PDE11A: variants seen among roughly 807,000 people sequenced by gnomAD.
PDE11A encodes the protein phosphodiesterase 11A, also known as dual 3',5'-cyclic-AMP and -GMP phosphodiesterase 11A.
A neutral mutation model predicts 100.5 loss-of-function variants in PDE11A; 100 were observed. The observed-to-expected ratio is 1.00, with a 90% CI of 0.85 to 1.18. PDE11A has a LOEUF of 1.18. PDE11A is among the 50% of genes most tolerant of loss of function. The probability of loss-of-function intolerance (pLI) is 0.00; values close to 1 mark genes in which losing one functional copy is unlikely to be tolerated. For synonymous variants in PDE11A, 381 were observed against 420.8 expected, an observed-to-expected ratio of 0.91 and a Z score of 1.16; for missense variants, 1,141 against 1,152.6, an observed-to-expected ratio of 0.99 and a Z score of 0.15.
intron 19 of PDE11A, among the ~76,000 whole-genome samples, chr2:177,641,435 A>G (rs1035370707): frequency 2.0e-5 from 3 of 151,654 alleles, no homozygotes; most frequent in African/African-American, 7.3e-5. Context: ...TCAAAAAAAA[A>G]AAAAAAGCTA....
intron 2 of PDE11A, among the ~76,000 whole-genome samples, chr2:177,972,974 G>A: frequency 6.6e-6 from 1 of 152,164 alleles, no homozygotes; most frequent in East Asian, 1.9e-4. Flanking sequence ...GGGCCAGAGT[G>A]GATAAGGCAG....
At chr2:177,920,789 G>A (rs931003092) in intron 2 of PDE11A, among the ~76,000 whole-genome samples, 5 of 152,012 alleles carry the variant, frequency 3.3e-5, no homozygotes, top group Admixed American at 1.3e-4. Flanking sequence ...TGGGCCAGGC[G>A]CGGTCGCTCA....
At chr2:178,072,794 G>C, upstream of PDE11A, 1 of 1,229,830 alleles carries the variant, frequency 8.1e-7, no homozygotes, top group Non-Finnish European at 1.0e-6. Context: ...GTGGACCGCT[G>C]TGACAGGGAG....
At chr2:178,074,650 G>A (rs2087184613), upstream of PDE11A, among the ~76,000 whole-genome samples, 1 of 152,140 alleles carries the variant, frequency 6.6e-6, no homozygotes, top group African/African-American at 2.4e-5. Flanking sequence ...AGGCTCTGGG[G>A]ACAAAAGAAG....
chr2:177,762,185 T>A (rs570081466), intron 10 of PDE11A, among the ~76,000 whole-genome samples: 51 of 152,232 alleles, frequency 3.4e-4, no homozygotes, highest in Admixed American at 9.8e-4. Flanking sequence ...ATGATGACTG[T>A]ACAATGATAG....
At chr2:177,843,515 AAAG>A (rs1233738808) in intron 5 of PDE11A, among the ~76,000 whole-genome samples, 1 of 152,212 alleles carries the variant, frequency 6.6e-6, no homozygotes, top group African/African-American at 2.4e-5. Context: ...CAGAATTCCC[AAAG>A]AAGATACGAT....
At chr2:178,082,036 G>A (rs955290000) in intron 2 of PDE11A, among the ~76,000 whole-genome samples, 4 of 152,216 alleles carry the variant, frequency 2.6e-5, no homozygotes, top group Non-Finnish European at 5.9e-5. Flanking sequence ...CAGGCACAAT[G>A]TCATCTCCAT....
At chr2:178,005,673 C>T (rs986240370) in intron 2 of PDE11A, among the ~76,000 whole-genome samples, 3 of 152,058 alleles carry the variant, frequency 2.0e-5, no homozygotes, top group Admixed American at 6.6e-5. Context: ...TAAGTAGAAA[C>T]GCAATAAATA....
At chr2:177,835,558 C>T (rs550082869) in intron 6 of PDE11A, among the ~76,000 whole-genome samples, 18 of 152,334 alleles carry the variant, frequency 1.2e-4, no homozygotes, top group Admixed American at 3.3e-4. Context: ...TTGGCCTTGG[C>T]GCCCACTCTG....
chr2:177,636,195 C>T (rs1017639534), intron 19 of PDE11A, among the ~76,000 whole-genome samples: 6 of 152,012 alleles, frequency 3.9e-5, no homozygotes, highest in African/African-American at 1.2e-4. Context: ...AGATTAAGGC[C>T]TTGGAAAGAT....
intron 6 of PDE11A, among the ~76,000 whole-genome samples, chr2:177,832,559 ATC>A (rs1245641252): frequency 7.5e-5 from 9 of 120,412 alleles, no homozygotes; most frequent in African/African-American, 2.9e-4. Flanking sequence ...ACATCCATCT[ATC>A]TATCTATCTA....
chr2:177,840,792 A>G (rs556095446), intron 5 of PDE11A, among the ~76,000 whole-genome samples: 2 of 152,370 alleles, frequency 1.3e-5, no homozygotes, highest in South Asian at 4.1e-4. Flanking sequence ...GTAGGGAAAA[A>G]TCAGGAAGTA....
In PDE11A at chr2:177,639,051, C is replaced by A. The variant is rs553131491; in HGVS notation, c.2647-9489G>T. ...GTAACCTCTTTGGCCTCCCTAGACT[C>A]CTAGCTCTGCCTCCTTAACTCAGCA... On this transcript the variant is annotated intron_variant, in intron 19 of 19. Transcript: ENST00000286063. Among the ~76,000 whole-genome samples, 32 of 152,296 alleles carry A rather than the reference C, an allele frequency of 2.1e-4. No individual in the cohort carries two copies. The South Asian group carries it at 6.4e-3, about 31-fold the overall frequency.
At chr2:177,902,597 C>A (rs892697162) in intron 3 of PDE11A, among the ~76,000 whole-genome samples, 2 of 152,196 alleles carry the variant, frequency 1.3e-5, no homozygotes, top group Non-Finnish European at 2.9e-5. Context: ...GTCCTTGGAG[C>A]TTTCCATTCT....
chr2:177,915,550 A>G (rs1448295676), intron 2 of PDE11A, among the ~76,000 whole-genome samples: 1 of 152,204 alleles, frequency 6.6e-6, no homozygotes, highest in African/African-American at 2.4e-5. Flanking sequence ...TCACTGATTA[A>G]CATTCCATTA....
chr2:178,060,533 T>C (rs1158912388), intron 1 of PDE11A, among the ~76,000 whole-genome samples: 1 of 152,186 alleles, frequency 6.6e-6, no homozygotes, highest in African/African-American at 2.4e-5. Flanking sequence ...GAAGGTATCA[T>C]TATCCTCATT....
chr2:178,057,220 G>A (rs190788482), intron 1 of PDE11A, among the ~76,000 whole-genome samples: 12 of 152,278 alleles, frequency 7.9e-5, no homozygotes, highest in African/African-American at 2.4e-4. Flanking sequence ...GAAGAATTGC[G>A]GGGGTTAAGT....
At position 177,743,368 on chromosome 2, in the gene PDE11A, A is replaced by G. The variant is rs942665035; in HGVS notation, c.1789-15196T>C. On this transcript the variant is annotated intron_variant, in intron 10 of 19. Coordinates refer to ENST00000286063, the MANE Select transcript of PDE11A (RefSeq NM_016953.4). ...AACAAGGACATATAAAGAGGGCATG[A>G]AACTTGTAAGATGAAGGACAGGAAA... Among the ~76,000 whole-genome samples the G allele has an allele frequency of 2.5e-4, 38 of 152,250 alleles. 1 individual carries two copies. Among genetic ancestry groups the G allele is most frequent in the Admixed American group, 2.4e-3 (36 of 15,286 alleles).
chr2:177,824,225 A>C (rs1017770302), intron 6 of PDE11A, among the ~76,000 whole-genome samples: 1 of 152,158 alleles, frequency 6.6e-6, no homozygotes, highest in African/African-American at 2.4e-5. Context: ...AATTTGAGGG[A>C]AATGATACGA....
Sources: allele counts gnomAD v4.1 joint callset (sites outside exome capture counted in the v4.1 genomes callset), GRCh38; gene constraint gnomAD v4.1.1; transcripts MANE v1.5; gene names NCBI Gene and HGNC (gene_info 2026-07-23, HGNC 2026-07-21).